Variants in TM9SF4 observed in about 807,000 individuals in gnomAD.
The protein encoded by TM9SF4 is dinucleotide oxidase disulfide thiol exchanger 3 superfamily member 4.
A neutral mutation model predicts 90.4 loss-of-function variants in TM9SF4; 26 were observed. The ratio of observed to expected loss-of-function variants is 0.29; its 90% confidence interval spans 0.21 to 0.40. The LOEUF is 0.40. Among genes scored for constraint, TM9SF4 ranks in the 10% least tolerant of loss-of-function variants. The pLI is 1.00. For missense variants in TM9SF4, 549 were observed against 834.8 expected (o/e 0.66, Z 4.22); for synonymous variants, 293 against 315.4 (o/e 0.93, Z 0.75).
intron 13 of TM9SF4, among the ~76,000 whole-genome samples, chr20:32,157,095 C>G (rs918088525): frequency 6.6e-6 from 1 of 151,822 alleles, no homozygotes; most frequent in African/African-American, 2.4e-5. Flanking sequence ...TTACAGGTGC[C>G]CCCCACAGTG....
At chr20:32,123,866 A>ATTTTTTTTTTTTTT (rs1165240152) in intron 1 of TM9SF4, among the ~76,000 whole-genome samples, 3 of 93,978 alleles carry the variant, frequency 3.2e-5, no homozygotes, top group African/African-American at 1.4e-4. Flanking sequence ...ATATATATAT[A>ATTTTTTTTTTTTTT]TTTTTTTTTT....
At chr20:32,124,537 A>T (rs1327175947) in intron 1 of TM9SF4, among the ~76,000 whole-genome samples, 2 of 151,824 alleles carry the variant, frequency 1.3e-5, no homozygotes, top group Admixed American at 1.3e-4. Flanking sequence ...TGGGTCTTTC[A>T]GTTTCCCTCT....
At chr20:32,111,846 G>A (rs1456529081) in intron 1 of TM9SF4, among the ~76,000 whole-genome samples, 2 of 152,192 alleles carry the variant, frequency 1.3e-5, no homozygotes, top group Admixed American at 6.5e-5. Context: ...TGGAGGGGCC[G>A]AAGCATGATG....
chr20:32,165,743 G>T lies in TM9SF4; in HGVS notation c.*299G>T. ...GACCTGTTTATTCAGGTGTATTTCT[G>T]GTTTGGATTTTTTTTTCCTTCTTTG... On this transcript the variant is annotated 3_prime_UTR_variant, in exon 18 of 18. Coordinates refer to ENST00000398022, the MANE Select transcript of TM9SF4 (RefSeq NM_014742.4). 9.1e-6 allele frequency: 3 copies of T among 330,048 alleles called. No homozygotes were observed. Among genetic ancestry groups the T allele is most frequent in the Non-Finnish European group, 1.1e-5 (2 of 175,998 alleles). The allele number at this position is 330,048 out of a possible 1,614,324, so 20.4% of individuals were successfully genotyped here. A position where few individuals can be genotyped will look rare whatever the true frequency, so the allele number is the denominator to read the frequency against.
At chr20:32,131,580 A>T (rs548170345) in intron 1 of TM9SF4, among the ~76,000 whole-genome samples, 15 of 151,976 alleles carry the variant, frequency 9.9e-5, no homozygotes, top group African/African-American at 3.6e-4. Flanking sequence ...GAGACAGGTG[A>T]TCAGGAGGCT....
chr20:32,120,193 T>C (rs1260675407), intron 1 of TM9SF4, among the ~76,000 whole-genome samples: 1 of 152,148 alleles, frequency 6.6e-6, no homozygotes, highest in Non-Finnish European at 1.5e-5. Flanking sequence ...TGCTGGAATT[T>C]TGATAAGGAT....
At position 32,149,700 on chromosome 20, in the gene TM9SF4, C is replaced by T. The variant is rs2046814349; in HGVS notation, c.1021C>T (p.Pro341Ser). 1.9e-6 allele frequency: 3 copies of T among 1,614,216 alleles called. No homozygotes were observed. The highest frequency in any genetic ancestry group is 8.5e-7 in the Non-Finnish European group (1 of 1,180,042). ...CGACGTCTTCAGGCCCCCCCAGTAC[C>T]CCATGATCCTCAGCTCCCTGCTGGG... ...HGDVFRPPQYPMILSSLLGSG... is the reference protein window; with the variant it reads ...HGDVFRPPQYSMILSSLLGSG... Residue 341 changes from proline to serine, a missense_variant, in exon 10 of 18, where the codon CCC becomes TCC. By Grantham distance (74) the Pro-to-Ser change is moderately conservative. Coordinates refer to ENST00000398022, the MANE Select transcript of TM9SF4 (RefSeq NM_014742.4).
intron 3 of TM9SF4, among the ~76,000 whole-genome samples, chr20:32,140,708 T>TTACCAA (rs2046660115): frequency 1.3e-5 from 2 of 152,212 alleles, no homozygotes; most frequent in Non-Finnish European, 2.9e-5. Flanking sequence ...TTACCAAGAC[T>TTACCAA]GCTAAGGCAG....
chr20:32,112,280 T>A (rs1243984358), intron 1 of TM9SF4, among the ~76,000 whole-genome samples: 1 of 152,120 alleles, frequency 6.6e-6, no homozygotes, highest in Non-Finnish European at 1.5e-5. Context: ...CTGGGCTTGG[T>A]GGTGTGCACC....
chr20:32,124,474 G>T (rs1179726589), intron 1 of TM9SF4, among the ~76,000 whole-genome samples: 1 of 152,218 alleles, frequency 6.6e-6, no homozygotes, highest in Non-Finnish European at 1.5e-5. Flanking sequence ...GGCTGTGCCA[G>T]TCTGGGTGGA....
rs1469176447 is a variant in TM9SF4 at position 32,129,639 on chromosome 20, C to T, written c.16-3374C>T. Among the ~76,000 whole-genome samples the T allele has an allele frequency of 8.7e-5, 13 of 148,674 alleles. No homozygotes were observed. In the East Asian group the frequency reaches 2.5e-3, roughly 29 times the overall value. ...TTTGAAATAGAGTCTCCCTTTGTCG[C>T]CCAGGATGGAGTACAGCTCACTGCA... On this transcript the variant is annotated intron_variant, in intron 1 of 17. Transcript: ENST00000398022.
intron 13 of TM9SF4, among the ~76,000 whole-genome samples, chr20:32,157,048 A>G (rs1461369033): frequency 2.7e-5 from 4 of 147,394 alleles, no homozygotes; most frequent in African/African-American, 1.0e-4. Context: ...CCCAGGTTCA[A>G]ATGATTCTCC....
intron 1 of TM9SF4, among the ~76,000 whole-genome samples, chr20:32,121,112 C>T (rs1196991341): frequency 4.0e-5 from 6 of 151,462 alleles, no homozygotes; most frequent in Non-Finnish European, 1.5e-5. Context: ...CTTTGCCTGG[C>T]TTTGGCACGT....
Position 32,159,888 on chromosome 20 carries a change from G to A in TM9SF4, c.1570-104G>A, listed in dbSNP as rs1449549922. 56 of 1,513,490 alleles carry A rather than the reference G, an allele frequency of 3.7e-5. No individual in the cohort carries two copies. In the Admixed American group the frequency reaches 3.8e-4, roughly 10 times the overall value. 93.8% of individuals were successfully genotyped at this position (1,513,490 alleles called of 1,614,324 possible). On this transcript the variant is annotated intron_variant, in intron 15 of 17. Coordinates refer to ENST00000398022, the MANE Select transcript of TM9SF4 (RefSeq NM_014742.4). ...CATGCCAGGCCCACGGGCCCTGATGGTGTCATGATGATGTGTCCACTCCTG... is the reference window on the plus strand; with the variant it reads ...CATGCCAGGCCCACGGGCCCTGATGATGTCATGATGATGTGTCCACTCCTG...
In TM9SF4 at chr20:32,149,509, T is replaced by G. The variant is rs549314956; in HGVS notation, c.955-125T>G. On this transcript the variant is annotated intron_variant, in intron 9 of 17. Transcript: ENST00000398022. ...TCAGATAAGCACTTTCTCCTATCAC[T>G]TACACTCCTGTGTCAGAGCAGCGCT... is the stretch of plus-strand genomic sequence containing the variant. 6 of 1,270,060 alleles carry G rather than the reference T, an allele frequency of 4.7e-6. No homozygotes were observed. The African/African-American group carries it at 7.5e-5, about 16-fold the overall frequency. 78.7% of individuals were successfully genotyped at this position (1,270,060 alleles called of 1,614,324 possible).
intron 3 of TM9SF4, among the ~76,000 whole-genome samples, chr20:32,138,113 G>A (rs1174470538): frequency 6.6e-6 from 1 of 152,218 alleles, no homozygotes; most frequent in Non-Finnish European, 1.5e-5. Context: ...TTTAACTCAG[G>A]TTCTTTTACC....
intron 1 of TM9SF4, among the ~76,000 whole-genome samples, chr20:32,118,697 G>A (rs7263967): frequency 9.9e-4 from 150 of 151,778 alleles, no homozygotes; most frequent in African/African-American, 3.3e-3. Flanking sequence ...GTGCAGTGGC[G>A]TGATTTCTGC....
chr20:32,120,150 T>A (rs895960992), intron 1 of TM9SF4, among the ~76,000 whole-genome samples: 1 of 152,198 alleles, frequency 6.6e-6, no homozygotes, highest in Non-Finnish European at 1.5e-5. Flanking sequence ...ATATAAATGC[T>A]AGAATCAGCT....
chr20:32,162,823 T>C (rs1187128244), intron 17 of TM9SF4, among the ~76,000 whole-genome samples: 1 of 151,664 alleles, frequency 6.6e-6, no homozygotes, highest in Non-Finnish European at 1.5e-5. Flanking sequence ...ATAACTCTCA[T>C]AAGTGGCAAG....
Sources: gnomAD v4.1 joint callset for allele counts (sites outside exome capture counted in the v4.1 genomes callset) on GRCh38, gnomAD v4.1.1 for gene constraint, MANE v1.5 for transcripts, NCBI Gene and HGNC (gene_info 2026-07-23, HGNC 2026-07-21) for gene names.